SCP2: variants seen among roughly 807,000 people sequenced by gnomAD.
The protein encoded by SCP2 is sterol carrier protein 2.
A neutral mutation model predicts 71.4 loss-of-function variants in SCP2; 48 were observed. The observed-to-expected ratio is 0.67, with a 90% CI of 0.53 to 0.86. SCP2 has a LOEUF of 0.86. Among genes scored for constraint, SCP2 ranks in the 40% least tolerant of loss-of-function variants. The pLI, the probability that SCP2 is intolerant of heterozygous loss-of-function variation, is 0.00. For missense variants in SCP2, 560 were observed against 655.6 expected (o/e 0.85, Z 1.59); for synonymous variants, 220 against 218.1 (o/e 1.01, Z -0.08).
At chr1:53,027,535 G>A (rs771638203) in intron 12 of SCP2, among the ~76,000 whole-genome samples, 12 of 152,180 alleles carry the variant, frequency 7.9e-5, no homozygotes, top group Admixed American at 2.6e-4. Context: ...ACGGAGTTTC[G>A]CTCTTGTTGC....
chr1:53,039,038 C>G lies in SCP2; in HGVS notation c.1460C>G (p.Pro487Arg). 6.2e-7 allele frequency: 1 copy of G among 1,614,160 alleles called. No individual in the cohort carries two copies. Among genetic ancestry groups the G allele is most frequent in the Non-Finnish European group, 8.5e-7 (1 of 1,179,996 alleles). The change falls in exon 14 of 16, where the codon CCT becomes CGT. Residue 487 changes from proline (P) to arginine (R), a missense_variant. Physicochemically the swap from Pro to Arg is moderately radical, Grantham distance 103. Coordinates refer to ENST00000371514, the MANE Select transcript of SCP2 (RefSeq NM_002979.5). ...AAGAATGGCAAAGGATCAGTGCTTC[C>G]TAACTCAGGTTAGTTTGGGAATGAC... ...DVKNGKGSVLPNSDKKADCTI... is the reference protein window; with the variant it reads ...DVKNGKGSVLRNSDKKADCTI...
intron 11 of SCP2, among the ~76,000 whole-genome samples, chr1:53,013,808 G>C (rs1219018712): frequency 6.6e-6 from 1 of 151,612 alleles, no homozygotes; most frequent in East Asian, 1.9e-4. Flanking sequence ...TGGAAGTTGT[G>C]GCTGGGGATG....
chr1:52,937,965 C>T (rs1250053051), intron 1 of SCP2, among the ~76,000 whole-genome samples: 1 of 152,286 alleles, frequency 6.6e-6, no homozygotes, highest in East Asian at 1.9e-4. Context: ...TATTCATGAA[C>T]TTTCTGGAAA....
chr1:53,008,885 C>T (rs528102298), intron 11 of SCP2, among the ~76,000 whole-genome samples: 5 of 152,192 alleles, frequency 3.3e-5, no homozygotes, highest in African/African-American at 9.6e-5. Flanking sequence ...CAAACCCCAT[C>T]GTCTTAGCCC....
chr1:52,929,859 G>A (rs1050580676), intron 1 of SCP2, among the ~76,000 whole-genome samples: 12 of 152,114 alleles, frequency 7.9e-5, no homozygotes, highest in Non-Finnish European at 8.8e-5. Context: ...TCCAGATCTC[G>A]TGATCCACCC....
At chr1:52,955,551 A>G (rs557899945) in intron 5 of SCP2, among the ~76,000 whole-genome samples, 1 of 152,366 alleles carries the variant, frequency 6.6e-6, no homozygotes, top group African/African-American at 2.4e-5. Flanking sequence ...AAAACTCAGT[A>G]AAACCTTTCA....
chr1:52,969,687 C>T (rs953797971), intron 6 of SCP2, among the ~76,000 whole-genome samples: 23 of 151,044 alleles, frequency 1.5e-4, no homozygotes, highest in Non-Finnish European at 2.9e-4. Flanking sequence ...CGGGCGTGGT[C>T]GCGTGTGCCT....
At chr1:53,005,246 G>A (rs886936908) in intron 11 of SCP2, among the ~76,000 whole-genome samples, 11 of 152,266 alleles carry the variant, frequency 7.2e-5, no homozygotes, top group Non-Finnish European at 1.2e-4. Context: ...AGACTTAAAC[G>A]TCCCTGTCTG....
At chr1:53,027,413 T>C (rs183642683) in intron 12 of SCP2, among the ~76,000 whole-genome samples, 242 of 152,306 alleles carry the variant, frequency 1.6e-3, no homozygotes, top group African/African-American at 5.5e-3. Flanking sequence ...GTAAGATTCA[T>C]GAGGGTAGCT....
chr1:52,973,089 C>G (rs1273470206), intron 6 of SCP2, among the ~76,000 whole-genome samples: 1 of 152,214 alleles, frequency 6.6e-6, no homozygotes, highest in Non-Finnish European at 1.5e-5. Context: ...TTTTCTTACT[C>G]ACTTTGTAAT....
chr1:52,966,357 T>C (rs1026315604), intron 6 of SCP2, among the ~76,000 whole-genome samples: 2 of 152,068 alleles, frequency 1.3e-5, no homozygotes, highest in Non-Finnish European at 2.9e-5. Context: ...ATGGAGATAA[T>C]TGCATTATGT....
chr1:53,043,079 A>G (rs1663545767), intron 14 of SCP2, among the ~76,000 whole-genome samples: 1 of 152,216 alleles, frequency 6.6e-6, no homozygotes, highest in Non-Finnish European at 1.5e-5. Flanking sequence ...AGCATGATAC[A>G]GAAAGCTTCA....
intron 3 of SCP2, among the ~76,000 whole-genome samples, chr1:52,950,096 T>C (rs1171411016): frequency 6.6e-6 from 1 of 151,676 alleles, no homozygotes; most frequent in African/African-American, 2.4e-5. Flanking sequence ...ATCACTGGCA[T>C]AGGTTTAAAG....
At chr1:53,028,942 A>T (rs540247091) in intron 13 of SCP2, among the ~76,000 whole-genome samples, 4 of 151,954 alleles carry the variant, frequency 2.6e-5, no homozygotes, top group African/African-American at 9.7e-5. Flanking sequence ...CGCCAGGCTA[A>T]TTTTTGTATT....
chr1:52,932,405 A>G (rs1423431478), intron 1 of SCP2, among the ~76,000 whole-genome samples: 1 of 152,236 alleles, frequency 6.6e-6, no homozygotes, highest in Non-Finnish European at 1.5e-5. Context: ...GAGGGTAGAA[A>G]AAAATTTTTT....
chr1:52,993,499 G>A, intron 11 of SCP2: 1 of 1,612,962 alleles, frequency 6.2e-7, no homozygotes, highest in Non-Finnish European at 8.5e-7. Flanking sequence ...GAAACTTATA[G>A]ATTTCTTCAA....
chr1:52,980,018 G>A (rs1658341834), intron 9 of SCP2, among the ~76,000 whole-genome samples: 1 of 150,702 alleles, frequency 6.6e-6, no homozygotes, highest in African/African-American at 2.4e-5. Flanking sequence ...CTTTCATCCA[G>A]GCTGGAATTC....
At chr1:52,958,453 A>G (rs1398852482) in intron 5 of SCP2, among the ~76,000 whole-genome samples, 1 of 150,978 alleles carries the variant, frequency 6.6e-6, no homozygotes, top group Non-Finnish European at 1.5e-5. Context: ...CTGGTCTTGA[A>G]CTCCCGACCT....
intron 13 of SCP2, among the ~76,000 whole-genome samples, chr1:53,034,574 T>C (rs1169327480): frequency 1.3e-5 from 2 of 152,148 alleles, no homozygotes; most frequent in African/African-American, 4.8e-5. Context: ...ACCACTGAAT[T>C]GAATATTTTA....
Sources: gnomAD v4.1 joint callset for allele counts (sites outside exome capture counted in the v4.1 genomes callset) on GRCh38, gnomAD v4.1.1 for gene constraint, MANE v1.5 for transcripts, NCBI Gene and HGNC (gene_info 2026-07-23, HGNC 2026-07-21) for gene names.